RYR3: variants seen among roughly 807,000 people sequenced by gnomAD.
The protein encoded by RYR3 is brain ryanodine receptor-calcium release channel.
RYR3 carries 207 observed loss-of-function variants against 584.3 expected under a neutral mutation model. The ratio of observed to expected loss-of-function variants is 0.35; its 90% CI spans 0.32 to 0.40. The LOEUF (loss-of-function observed/expected upper bound fraction) is 0.40. Among genes scored for constraint, RYR3 ranks in the 10% least tolerant of loss-of-function variants. The pLI is 1.00. For synonymous variants in RYR3, 2,416 were observed against 2,248.5 expected (o/e 1.07, Z -2.11); for missense variants, 5,616 against 6,089.2 (o/e 0.92, Z 2.59).
At chr15:33,727,166 G>A (rs559617323) in intron 46 of RYR3, among the ~76,000 whole-genome samples, 2 of 152,344 alleles carry the variant, frequency 1.3e-5, no homozygotes, top group African/African-American at 2.4e-5. Context: ...AGCCACAGTC[G>A]CATGCCTTAG....
At chr15:33,759,046 AGAGGGACCTGACT>A (rs2072161624) in intron 60 of RYR3, among the ~76,000 whole-genome samples, 1 of 152,128 alleles carries the variant, frequency 6.6e-6, no homozygotes, top group South Asian at 2.1e-4. Flanking sequence ...GACCTGCAGC[AGAGGGACCTGACT>A]GTTAGAAGGA....
intron 38 of RYR3, among the ~76,000 whole-genome samples, chr15:33,688,446 A>G (rs1284343163): frequency 2.6e-5 from 4 of 151,700 alleles, no homozygotes; most frequent in African/African-American, 9.7e-5. Context: ...GGTGGCGGGC[A>G]CCTGTAGTCC....
At chr15:33,563,031 C>T (rs1303536041) in intron 11 of RYR3, 21 bp downstream of exon 11, 1 of 1,588,658 alleles carries the variant, frequency 6.3e-7, no homozygotes, top group Non-Finnish European at 8.6e-7. Context: ...GAATATCTGT[C>T]TACAATTGTT....
chr15:33,394,413 G>A (rs946632017), intron 1 of RYR3, among the ~76,000 whole-genome samples: 3 of 152,230 alleles, frequency 2.0e-5, no homozygotes, highest in African/African-American at 4.8e-5. Context: ...ATCTGAAAGA[G>A]AGAGACAATT....
chr15:33,442,072 C>T (rs963517646), intron 1 of RYR3, among the ~76,000 whole-genome samples: 1 of 152,110 alleles, frequency 6.6e-6, no homozygotes, highest in African/African-American at 2.4e-5. Flanking sequence ...GACATCAAAC[C>T]CAGAAACTGG....
chr15:33,471,581 T>C (rs1361573275), intron 1 of RYR3, among the ~76,000 whole-genome samples: 1 of 126,126 alleles, frequency 7.9e-6, no homozygotes, highest in Non-Finnish European at 1.6e-5. Flanking sequence ...AACTGTCAAC[T>C]TTCATGCCTT....
In RYR3 at chr15:33,310,984, G is replaced by A. The variant is rs1967150178; in HGVS notation, c.-62G>A. ...AGCGCAGCAGCAGTCAGCGCACGCC[G>A]AGCGGCTGCCGGGGGAAGCAGAGGC... is the stretch of plus-strand genomic sequence containing the variant. On this transcript the variant is annotated 5_prime_UTR_variant, in exon 1 of 104. Transcript: ENST00000634891. The A allele has an allele frequency of 5.9e-6, 8 of 1,351,722 alleles. No homozygotes were observed. The highest frequency in any genetic ancestry group is 5.1e-5 in the South Asian group (4 of 78,662). 83.7% of individuals were successfully genotyped at this position (1,351,722 alleles called of 1,614,324 possible). A position where few individuals can be genotyped will look rare whatever the true frequency, so the allele number is the denominator to read the frequency against.
At chr15:33,804,098 A>C (rs2076058014) in intron 69 of RYR3, among the ~76,000 whole-genome samples, 1 of 152,226 alleles carries the variant, frequency 6.6e-6, no homozygotes. Flanking sequence ...TCACTGAATG[A>C]GGAAAAGCGG....
chr15:33,359,579 G>A lies in RYR3; in HGVS notation c.51+48483G>A, dbSNP rs369126512. Among the ~76,000 whole-genome samples the A allele has an allele frequency of 1.7e-4, 26 of 151,660 alleles. No individual in the cohort carries two copies. In the East Asian group the frequency reaches 4.9e-3, roughly 28 times the overall value. On this transcript the variant is annotated intron_variant, in intron 1 of 103. Transcript: ENST00000634891. ...GCTCAAACACAGTCTTTTTAGAGAG[G>A]CCTTCCCTGACCCCTTATTTATTTA...
chr15:33,784,836 G>A (rs1363685926), intron 65 of RYR3, among the ~76,000 whole-genome samples: 1 of 152,144 alleles, frequency 6.6e-6, no homozygotes, highest in African/African-American at 2.4e-5. Flanking sequence ...AAGGGAAGCA[G>A]GACAGATAAG....
intron 3 of RYR3, among the ~76,000 whole-genome samples, chr15:33,519,607 T>G (rs571560091): frequency 6.6e-6 from 1 of 150,446 alleles, no homozygotes; most frequent in South Asian, 2.1e-4. Context: ...CTTATGAAAA[T>G]GACCCAGCTT....
intron 1 of RYR3, among the ~76,000 whole-genome samples, chr15:33,407,228 A>G (rs1287026885): frequency 6.6e-6 from 1 of 152,214 alleles, no homozygotes; most frequent in Non-Finnish European, 1.5e-5. Context: ...TAATACCACC[A>G]CTGTGGGGAT....
chr15:33,463,251 T>C (rs2048193645), intron 1 of RYR3, among the ~76,000 whole-genome samples: 2 of 152,102 alleles, frequency 1.3e-5, no homozygotes, highest in African/African-American at 4.8e-5. Context: ...CCTTGCTACC[T>C]CTGAGGTTAG....
chr15:33,452,049 C>T (rs1421679948), intron 1 of RYR3, among the ~76,000 whole-genome samples: 1 of 152,206 alleles, frequency 6.6e-6, no homozygotes, highest in Non-Finnish European at 1.5e-5. Flanking sequence ...GCTCCAACAA[C>T]CAAACAGACG....
intron 48 of RYR3, among the ~76,000 whole-genome samples, chr15:33,733,872 T>C (rs2069170163): frequency 6.6e-6 from 1 of 152,196 alleles, no homozygotes; most frequent in Admixed American, 6.5e-5. Flanking sequence ...TTGCTCAATT[T>C]TGCTGTGAAC....
intron 2 of RYR3, among the ~76,000 whole-genome samples, chr15:33,498,649 T>C (rs1051892968): frequency 4.6e-5 from 7 of 152,206 alleles, no homozygotes; most frequent in Admixed American, 2.0e-4. Context: ...CTCTTTACTC[T>C]GTTGTTTCCT....
At chr15:33,572,391 G>C (rs945552832) in intron 12 of RYR3, among the ~76,000 whole-genome samples, 3 of 151,930 alleles carry the variant, frequency 2.0e-5, no homozygotes, top group African/African-American at 7.3e-5. Flanking sequence ...GTGTGTGTGG[G>C]CTGAATGACA....
chr15:33,486,174 A>T (rs2050402117), intron 2 of RYR3, among the ~76,000 whole-genome samples: 1 of 152,224 alleles, frequency 6.6e-6, no homozygotes, highest in South Asian at 2.1e-4. Flanking sequence ...GGGCTACTGT[A>T]ACAAATTACC....
chr15:33,836,259 T>C lies in RYR3; in HGVS notation c.11569-647T>C, dbSNP rs1398893262. On this transcript the variant is annotated intron_variant, in intron 87 of 103. Transcript: ENST00000634891. Reference sequence around the variant, plus strand: ...ATACCTTTTTAATCAAATCCCCAGATTGCCCACCTCAGATCTTCCAAGAAT... The same window carrying C: ...ATACCTTTTTAATCAAATCCCCAGACTGCCCACCTCAGATCTTCCAAGAAT... 3.3e-5 allele frequency among the ~76,000 whole-genome samples: 5 copies of C among 151,716 alleles called. No homozygotes were observed. The South Asian group carries it at 8.4e-4, about 25-fold the overall frequency.
Sources: gnomAD v4.1 joint callset for allele counts (sites outside exome capture counted in the v4.1 genomes callset) on GRCh38, gnomAD v4.1.1 for gene constraint, MANE v1.5 for transcripts, NCBI Gene and HGNC (gene_info 2026-07-23, HGNC 2026-07-21) for gene names.